The following SNTG2 variants were observed in gnomAD, a reference collection of about 807,000 sequenced individuals.
The protein encoded by SNTG2 is gamma-2-syntrophin.
A neutral mutation model predicts 70.9 loss-of-function variants in SNTG2; 74 were observed. That is an observed-to-expected ratio of 1.04 (90% CI 0.86 to 1.27). The LOEUF (loss-of-function observed/expected upper bound fraction) is 1.27, where lower values mean the gene tolerates loss of function less well. SNTG2 is among the 50% of genes most tolerant of loss of function. The pLI, the probability that SNTG2 is intolerant of heterozygous loss-of-function variation, is 0.00. For synonymous variants in SNTG2, 278 were observed against 273.8 expected, an observed-to-expected ratio of 1.02 and a Z score of -0.15; for missense variants, 717 against 690.7, an observed-to-expected ratio of 1.04 and a Z score of -0.43.
intron 1 of SNTG2, among the ~76,000 whole-genome samples, chr2:1,026,362 A>T (rs184249483): frequency 1.6e-4 from 24 of 152,362 alleles, no homozygotes; most frequent in African/African-American, 5.8e-4. Flanking sequence ...TCCAAATTTT[A>T]TGCAGTTTTT....
chr2:1,151,577 T>G (rs1669499454), intron 6 of SNTG2, among the ~76,000 whole-genome samples: 1 of 152,214 alleles, frequency 6.6e-6, no homozygotes, highest in Non-Finnish European at 1.5e-5. Flanking sequence ...GCTTGTGACC[T>G]CTGCATGTTT....
chr2:1,332,204 T>C (rs1659570026), intron 16 of SNTG2, among the ~76,000 whole-genome samples: 1 of 152,220 alleles, frequency 6.6e-6, no homozygotes, highest in Non-Finnish European at 1.5e-5. Context: ...CCTGTTAATT[T>C]TGAGACATTA....
At chr2:1,096,021 C>G (rs1021951831) in intron 2 of SNTG2, among the ~76,000 whole-genome samples, 8 of 152,150 alleles carry the variant, frequency 5.3e-5, no homozygotes, top group Admixed American at 3.9e-4. Flanking sequence ...AATGAACCCC[C>G]CCTTGGTTCT....
intron 7 of SNTG2, among the ~76,000 whole-genome samples, chr2:1,167,003 C>T (rs1365568304): frequency 1.3e-5 from 2 of 152,220 alleles, no homozygotes; most frequent in Non-Finnish European, 1.5e-5. Flanking sequence ...TCCATAAAAC[C>T]TTGTGCCAAC....
intron 4 of SNTG2, among the ~76,000 whole-genome samples, chr2:1,101,276 G>T (rs1382334799): frequency 6.6e-6 from 1 of 152,078 alleles, no homozygotes; most frequent in Non-Finnish European, 1.5e-5. Context: ...CCAGGCCCAG[G>T]CCCAGGCCCA....
In SNTG2 at chr2:1,269,988, T is replaced by TG. The variant is rs547158869; in HGVS notation, c.1284+2418dup. Among the ~76,000 whole-genome samples the TG allele has an allele frequency of 7.9e-5, 12 of 152,202 alleles. 1 individual carries two copies. In the South Asian group the frequency reaches 2.3e-3, roughly 29 times the overall value. On this transcript the variant is annotated intron_variant, in intron 14 of 16. Coordinates refer to ENST00000308624, the MANE Select transcript of SNTG2 (RefSeq NM_018968.4). ...GGGGCCGTGCCATGCTGCCCATGAC[T>TG]GACTTGCCGGATCTTCACAACTCAG...
intron 14 of SNTG2, among the ~76,000 whole-genome samples, chr2:1,307,485 A>C (rs375454558): frequency 2.6e-5 from 4 of 151,504 alleles, no homozygotes; most frequent in South Asian, 4.2e-4. Flanking sequence ...AGAGAGAAGG[A>C]GGGAAAGAGA....
intron 16 of SNTG2, among the ~76,000 whole-genome samples, chr2:1,362,543 G>A (rs139328087): frequency 0.66 from 74,766 of 113,986 alleles, 24,221 homozygotes; most frequent in East Asian, 0.9. Context: ...AGTCACCAAT[G>A]CTGAGCATTT....
At chr2:1,099,500 A>G (rs1665619981) in intron 4 of SNTG2, among the ~76,000 whole-genome samples, 1 of 152,182 alleles carries the variant, frequency 6.6e-6, no homozygotes, top group East Asian at 1.9e-4. Context: ...TACCCAAACC[A>G]TAAGCCCAGT....
chr2:1,155,200 C>T (rs963594315), intron 6 of SNTG2, among the ~76,000 whole-genome samples: 4 of 123,406 alleles, frequency 3.2e-5, no homozygotes, highest in Admixed American at 7.6e-5. Context: ...ATAGACCACA[C>T]ACACCCACAC....
chr2:1,156,492 G>A (rs1030738037), intron 6 of SNTG2, among the ~76,000 whole-genome samples: 1 of 152,194 alleles, frequency 6.6e-6, no homozygotes, highest in African/African-American at 2.4e-5. Flanking sequence ...ACAGGTTGAG[G>A]CGTGTCCTGC....
chr2:1,079,842 T>A (rs1287323188), intron 1 of SNTG2, among the ~76,000 whole-genome samples: 1 of 152,222 alleles, frequency 6.6e-6, no homozygotes, highest in East Asian at 1.9e-4. Flanking sequence ...AGATATAACA[T>A]CGATCAATAT....
At chr2:1,218,461 C>T (rs1280657176) in intron 9 of SNTG2, among the ~76,000 whole-genome samples, 1 of 152,240 alleles carries the variant, frequency 6.6e-6, no homozygotes, top group Non-Finnish European at 1.5e-5. Flanking sequence ...CTTAGAAATT[C>T]ATCCTTTTAA....
chr2:1,004,273 T>A (rs1196562609), intron 1 of SNTG2, among the ~76,000 whole-genome samples: 3 of 152,242 alleles, frequency 2.0e-5, no homozygotes, highest in African/African-American at 7.2e-5. Context: ...ATGTTGGATA[T>A]GATGATGACT....
At chr2:1,260,141 G>C (rs367820464) in intron 13 of SNTG2, among the ~76,000 whole-genome samples, 54 of 152,310 alleles carry the variant, frequency 3.5e-4, no homozygotes, top group African/African-American at 1.2e-3. Flanking sequence ...GTACCTTTTA[G>C]TCTGAGAATT....
chr2:1,173,140 T>C lies in SNTG2; in HGVS notation c.548T>C (p.Leu183Pro), dbSNP rs549707227. ...CACAGCAGTGGGGCCTCCTCTCCCCTCTTTGACAGCGGTTTGCATCTGAAC... is the reference window on the plus strand; with the variant it reads ...CACAGCAGTGGGGCCTCCTCTCCCCCCTTTGACAGCGGTTTGCATCTGAAC... ...SDHSSGASSP[L>P]FDSGLHLNGN... Residue 183 changes from leucine to proline, a missense_variant, in exon 8 of 17, where the codon CTC (leucine) becomes CCC (proline). Coordinates refer to ENST00000308624, the MANE Select transcript of SNTG2 (RefSeq NM_018968.4). 3.5e-5 allele frequency: 56 copies of C among 1,614,004 alleles called. No individual in the cohort carries two copies. The South Asian group carries it at 5.5e-4, about 16-fold the overall frequency.
intron 9 of SNTG2, among the ~76,000 whole-genome samples, chr2:1,235,152 C>T (rs1676529727): frequency 6.6e-6 from 1 of 151,612 alleles, no homozygotes; most frequent in Non-Finnish European, 1.5e-5. Context: ...CCAGGCACCC[C>T]CGATTCATGA....
In SNTG2 at chr2:1,071,450, A is replaced by G. The variant is rs545955246; in HGVS notation, c.73-12068A>G. ...CTCGCTCATAGGTGGGAATTGAACA[A>G]TGAGATCACATGGACACAGGAAGGG... On this transcript the variant is annotated intron_variant, in intron 1 of 16. Coordinates refer to ENST00000308624, the MANE Select transcript of SNTG2 (RefSeq NM_018968.4). Among the ~76,000 whole-genome samples the G allele has an allele frequency of 5.7e-5, 8 of 141,488 alleles. No individual in the cohort carries two copies. The South Asian group carries it at 1.4e-3, about 25-fold the overall frequency. The allele number at this position is 141,488 out of a possible 152,430, so 92.8% of individuals were successfully genotyped here. A position where few individuals can be genotyped will look rare whatever the true frequency, so the allele number is the denominator to read the frequency against.
At chr2:1,258,116 C>T (rs753586382) in intron 12 of SNTG2, among the ~76,000 whole-genome samples, 54 of 152,106 alleles carry the variant, frequency 3.6e-4, no homozygotes, top group Non-Finnish European at 6.5e-4. Flanking sequence ...AGGGTGGGAA[C>T]GGGAGGAGTG....
Sources: gnomAD v4.1 joint callset for allele counts (sites outside exome capture counted in the v4.1 genomes callset) on GRCh38, gnomAD v4.1.1 for gene constraint, MANE v1.5 for transcripts, NCBI Gene and HGNC (gene_info 2026-07-23, HGNC 2026-07-21) for gene names.